Variants in VWA5A observed in about 807,000 individuals in gnomAD.
The protein encoded by VWA5A is von Willebrand factor A domain-containing protein 5A.
Under a neutral mutation model 84.6 loss-of-function variants are expected in VWA5A, and 77 were observed. That is an observed-to-expected ratio of 0.91 (90% CI 0.76 to 1.10). The LOEUF (loss-of-function observed/expected upper bound fraction) is 1.10. VWA5A is among the 50% of genes least tolerant of loss of function. VWA5A has a pLI of 0.00. For synonymous variants in VWA5A, 334 were observed against 350.1 expected (o/e 0.95, Z 0.51); for missense variants, 973 against 963.0 (o/e 1.01, Z -0.14).
chr11:124,146,111 A>G lies in VWA5A; in HGVS notation c.*166A>G, dbSNP rs190093015. The G allele has an allele frequency of 2.3e-4, 153 of 671,150 alleles. No individual in the cohort carries two copies. The Middle Eastern group carries it at 4.5e-3, about 20-fold the overall frequency. 41.6% of individuals were successfully genotyped at this position (671,150 alleles called of 1,614,324 possible). A position where few individuals can be genotyped will look rare whatever the true frequency, so the allele number is the denominator to read the frequency against. On this transcript the variant is annotated 3_prime_UTR_variant, in exon 19 of 19. Transcript: ENST00000456829. ...CTTCTCTGCTCCAGGTTCACTTTGGATATGATCTTTCTTTTCCCAACATAT... is the reference window on the plus strand; with the variant it reads ...CTTCTCTGCTCCAGGTTCACTTTGGGTATGATCTTTCTTTTCCCAACATAT...
chr11:124,117,626 G>C, intron 3 of VWA5A, 47 bp from the exon 4 acceptor site: 1 of 1,614,120 alleles, frequency 6.2e-7, no homozygotes, highest in Non-Finnish European at 8.5e-7. Flanking sequence ...TCTACAAGGA[G>C]GCAATCTATT....
In VWA5A at chr11:124,124,417, A is replaced by C. The variant is rs947846689; in HGVS notation, c.1244+101A>C. The C allele has an allele frequency of 2.1e-5, 30 of 1,456,338 alleles. 1 individual carries two copies. Among genetic ancestry groups the C allele is most frequent in the South Asian group, 4.5e-5 (3 of 66,576 alleles). 90.2% of individuals were successfully genotyped at this position (1,456,338 alleles called of 1,614,324 possible). The stretch of plus-strand genomic sequence containing the variant: ...TGTTGACCTTCCTTCAAGAGGACCA[A>C]ATGATTTCAGAATTTAGTTTTAGCA... On this transcript the variant is annotated intron_variant, in intron 11 of 18. Transcript: ENST00000456829.
In VWA5A at chr11:124,140,742, G is replaced by A. The variant is rs377436110; in HGVS notation, c.1880-856G>A. On this transcript the variant is annotated intron_variant, in intron 15 of 18. Coordinates refer to ENST00000456829, the MANE Select transcript of VWA5A (RefSeq NM_001130142.2). ...CCTGGGACTCTAGGCACATGTCACC[G>A]TGCCCAGATAATTTTTAAAACTTTT... 2.2e-3 allele frequency among the ~76,000 whole-genome samples: 337 copies of A among 152,126 alleles called. 1 individual carries two copies. Among genetic ancestry groups the A allele is most frequent in the African/African-American group, 7.4e-3 (305 of 41,484 alleles).
chr11:124,136,967 A>G, intron 14 of VWA5A, 48 bp from the exon 15 acceptor site: 1 of 1,586,870 alleles, frequency 6.3e-7, no homozygotes, highest in Admixed American at 1.8e-5. Context: ...AAACTGGTAT[A>G]TGGATGTCTT....
In VWA5A at chr11:124,134,665, C is replaced by T. The variant is rs557437059; in HGVS notation, c.1245-255C>T. ...ATCTTGGAAAGATTTCTTAAATTTC[C>T]TGGGCCTCCATTTCTTATCTGCAAA... On this transcript the variant is annotated intron_variant, in intron 11 of 18. Coordinates refer to ENST00000456829, the MANE Select transcript of VWA5A (RefSeq NM_001130142.2). Among the ~76,000 whole-genome samples the T allele has an allele frequency of 3.9e-5, 6 of 152,288 alleles. No individual in the cohort carries two copies. In the South Asian group the frequency reaches 1.2e-3, roughly 32 times the overall value.
Position 124,116,121 on chromosome 11 carries a change from CG to C in VWA5A, c.-130-443del, listed in dbSNP as rs1056723964. The stretch of plus-strand genomic sequence containing the variant: ...CCCTCCCACCCTCCTAGCTGCTGAG[CG>C]GCTGGTGCTGGGACTCTGCATTCCT... On this transcript the variant is annotated intron_variant, in intron 1 of 18. Coordinates refer to ENST00000456829, the MANE Select transcript of VWA5A (RefSeq NM_001130142.2). 2.0e-5 allele frequency: 3 copies of C among 152,444 alleles called. No individual in the cohort carries two copies. In the South Asian group the frequency reaches 6.2e-4, roughly 32 times the overall value. 9.4% of individuals were successfully genotyped at this position (152,444 alleles called of 1,614,324 possible). A position where few individuals can be genotyped will look rare whatever the true frequency, so the allele number is the denominator to read the frequency against.
intron 11 of VWA5A, among the ~76,000 whole-genome samples, chr11:124,128,750 AC>A (rs1865055468): frequency 6.6e-6 from 1 of 152,130 alleles, no homozygotes; most frequent in South Asian, 2.1e-4. Flanking sequence ...GCAATTGTAA[AC>A]GGGAGTTCTC....
At chr11:124,116,100 C>G (rs1864824811) in intron 1 of VWA5A, 1 of 152,294 alleles carries the variant, frequency 6.6e-6, no homozygotes, top group Non-Finnish European at 1.5e-5. Context: ...CAGCTCCCCT[C>G]CCACCCTCCT....
At position 124,118,990 on chromosome 11, in the gene VWA5A, G is replaced by A; in HGVS notation, c.661G>A (p.Gly221Arg). The stretch of plus-strand genomic sequence containing the variant: ...CTCCACTCAGGTTTCCCTGGCTGCT[G>A]GACACAAGTTTGATCGGGACGTGGA... ...KTSAQVSLAA[G>R]HKFDRDVELL... The change falls in exon 7 of 19, where the codon GGA becomes AGA. Residue 221 changes from glycine to arginine, a missense_variant. Physicochemically the swap from Gly to Arg is moderately radical, Grantham distance 125. Coordinates refer to ENST00000456829, the MANE Select transcript of VWA5A (RefSeq NM_001130142.2). 1.9e-6 allele frequency: 3 copies of A among 1,614,132 alleles called. No homozygotes were observed. In the South Asian group the frequency reaches 3.3e-5, roughly 18 times the overall value.
At chr11:124,123,229 A>G (rs1375386176) in intron 8 of VWA5A, 100 bp downstream of exon 8, 17 of 1,530,422 alleles carry the variant, frequency 1.1e-5, no homozygotes, top group Non-Finnish European at 1.4e-5. Flanking sequence ...GAGCAGCACG[A>G]CCACCCTGAG....
chr11:124,134,254 C>T (rs1324266756), intron 11 of VWA5A, among the ~76,000 whole-genome samples: 1 of 152,158 alleles, frequency 6.6e-6, no homozygotes, highest in Non-Finnish European at 1.5e-5. Flanking sequence ...GATGATGGCT[C>T]ACACTAAGAA....
intron 2 of VWA5A, among the ~76,000 whole-genome samples, 170 bp downstream of exon 2, chr11:124,116,850 A>G (rs1406323848): frequency 6.6e-6 from 1 of 152,208 alleles, no homozygotes; most frequent in Non-Finnish European, 1.5e-5. Flanking sequence ...AAACAAATAT[A>G]CTCGTATCTT....
chr11:124,117,802 ACT>A lies in VWA5A; in HGVS notation c.176_177del (p.Ser59CysfsTer6). On this transcript the variant is annotated frameshift_variant, in exon 4 of 19. Coordinates refer to ENST00000456829, the MANE Select transcript of VWA5A (RefSeq NM_001130142.2). LOFTEE classifies it high-confidence loss of function. Reference sequence around the variant, plus strand: ...TTCTTTGTGTTCCCCATGGATGAAGACTCTGCTGTTTACAGCTTTGAGGCCTT... The same window carrying A: ...TTCTTTGTGTTCCCCATGGATGAAGACTGCTGTTTACAGCTTTGAGGCCTT... 1 of 1,614,062 alleles carries A rather than the reference ACT, an allele frequency of 6.2e-7. No homozygotes were observed. The highest frequency in any genetic ancestry group is 1.3e-5 in the African/African-American group (1 of 75,000).
In VWA5A at chr11:124,118,231, G is replaced by A. The variant is rs770337242; in HGVS notation, c.289G>A (p.Ala97Thr). ...YEKAISQGHQ[A>T]FLLEGDSSSR... is the part of the protein sequence containing the mutation. ...GAAAGCCATCTCCCAGGGCCACCAG[G>A]CCTTCTTATTGGAGGGGGACAGCAG... Residue 97 changes from alanine to threonine, a missense_variant, in exon 5 of 19, where the codon GCC becomes ACC. Coordinates refer to ENST00000456829, the MANE Select transcript of VWA5A (RefSeq NM_001130142.2). 15 of 1,614,146 alleles carry A rather than the reference G, an allele frequency of 9.3e-6. No individual in the cohort carries two copies. The South Asian group carries it at 1.3e-4, about 14-fold the overall frequency.
At position 124,136,792 on chromosome 11, in the gene VWA5A, C is replaced by T. The variant is rs1860602759; in HGVS notation, c.1625+118C>T. 24 of 777,376 alleles carry T rather than the reference C, an allele frequency of 3.1e-5. 1 individual carries two copies. In the South Asian group the frequency reaches 4.1e-4, roughly 13 times the overall value. 48.2% of individuals were successfully genotyped at this position (777,376 alleles called of 1,614,324 possible). ...TCCCTCCCTCCCTCCTTCCTTCCTT[C>T]TTTCCTCTGCCATCTTTGGGGATTA... On this transcript the variant is annotated intron_variant, in intron 14 of 18. Coordinates refer to ENST00000456829, the MANE Select transcript of VWA5A (RefSeq NM_001130142.2).
chr11:124,146,223 G>C lies in VWA5A; in HGVS notation c.*278G>C, dbSNP rs746238588. The stretch of plus-strand genomic sequence containing the variant: ...TTCATAGGCAGTAATGTTCCTCCCA[G>C]GGTTTCCAGGGAAACAACATGAAAA... On this transcript the variant is annotated 3_prime_UTR_variant, in exon 19 of 19. Coordinates refer to ENST00000456829, the MANE Select transcript of VWA5A (RefSeq NM_001130142.2). The C allele has an allele frequency of 7.0e-6, 2 of 284,628 alleles. No individual in the cohort carries two copies. Among genetic ancestry groups the C allele is most frequent in the Non-Finnish European group, 1.3e-5 (2 of 152,006 alleles). The allele number at this position is 284,628 out of a possible 1,614,324, so 17.6% of individuals were successfully genotyped here.
intron 12 of VWA5A, among the ~76,000 whole-genome samples, chr11:124,135,522 C>CTTTTTTTTTTT (rs60188800): frequency 1.2e-5 from 1 of 84,344 alleles, no homozygotes; most frequent in Non-Finnish European, 2.2e-5. Flanking sequence ...GGTGGTATTT[C>CTTTTTTTTTTT]TTTTTTTTTT....
In VWA5A at chr11:124,118,957, T is replaced by A; in HGVS notation, c.646-18T>A. The A allele has an allele frequency of 6.2e-7, 1 of 1,610,844 alleles. No individual in the cohort carries two copies. Among genetic ancestry groups the A allele is most frequent in the South Asian group, 1.1e-5 (1 of 90,712 alleles). The stretch of plus-strand genomic sequence containing the variant: ...AGTTATGATTCTAATGTGGCTCCTT[T>A]ACCTGTCCTCCACTCAGGTTTCCCT... On this transcript the variant is annotated intron_variant, in intron 6 of 18. Transcript: ENST00000456829.
chr11:124,121,379 C>G (rs930650432), intron 7 of VWA5A, among the ~76,000 whole-genome samples: 6 of 152,094 alleles, frequency 3.9e-5, no homozygotes, highest in Non-Finnish European at 7.4e-5. Flanking sequence ...TACAATCAAG[C>G]TTGTTCAACT....
Sources: gnomAD v4.1 joint callset for allele counts (sites outside exome capture counted in the v4.1 genomes callset) on GRCh38, gnomAD v4.1.1 for gene constraint, MANE v1.5 for transcripts, NCBI Gene and HGNC (gene_info 2026-07-23, HGNC 2026-07-21) for gene names.